Variants in NEK1 observed in about 807,000 individuals in gnomAD.
The protein encoded by NEK1 is NIMA related kinase 1.
Under a neutral mutation model 182.1 loss-of-function variants are expected in NEK1, and 137 were observed. The observed-to-expected ratio is 0.75, with a 90% CI of 0.65 to 0.87. The LOEUF (loss-of-function observed/expected upper bound fraction) is 0.87. NEK1 is among the 40% of genes least tolerant of loss of function. The pLI is 0.00. For missense variants in NEK1, 1,391 were observed against 1,494.4 expected, an observed-to-expected ratio of 0.93 and a Z score of 1.14; for synonymous variants, 513 against 492.2, an observed-to-expected ratio of 1.04 and a Z score of -0.56.
chr4:169,610,265 A>C (rs1462811992), intron 2 of NEK1, among the ~76,000 whole-genome samples: 3 of 151,488 alleles, frequency 2.0e-5, no homozygotes, highest in Non-Finnish European at 4.4e-5. Flanking sequence ...GCTTCCCAAA[A>C]TGCTGGGAAT....
intron 9 of NEK1, 129 bp downstream of exon 9, chr4:169,587,429 CA>C: frequency 5.8e-6 from 3 of 519,812 alleles, no homozygotes; most frequent in Middle Eastern, 5.1e-4. Context: ...ATGAGAAATT[CA>C]AAAATGGACT....
chr4:169,505,329 C>T (rs1011501776), intron 23 of NEK1, among the ~76,000 whole-genome samples: 3 of 151,976 alleles, frequency 2.0e-5, no homozygotes, highest in Non-Finnish European at 2.9e-5. Context: ...TCTTACTCCT[C>T]CTTCCTCAGC....
At chr4:169,459,696 G>A (rs910428376) in intron 27 of NEK1, among the ~76,000 whole-genome samples, 4 of 152,100 alleles carry the variant, frequency 2.6e-5, no homozygotes, top group Admixed American at 6.5e-5. Flanking sequence ...AATATTCTGC[G>A]CTAAAAAGTA....
At chr4:169,533,156 T>C (rs1374734897) in intron 19 of NEK1, among the ~76,000 whole-genome samples, 1 of 152,224 alleles carries the variant, frequency 6.6e-6, no homozygotes, top group Non-Finnish European at 1.5e-5. Context: ...TGACAGATTT[T>C]GTGTTAAATG....
Position 169,477,436 on chromosome 4 carries a change from A to T in NEK1, c.2201T>A (p.Ile734Asn), listed in dbSNP as rs750491132. ...AACTTTGAAAATTTTACTTACTGAA[A>T]TAGCATTGTTGGTCTTTTGCATCTC... ...SEEMQKTNNAISSKREILRRL... is the reference protein window; with the variant it reads ...SEEMQKTNNANSSKREILRRL... The change falls in exon 25 of 36, where the codon ATT becomes AAT. Residue 734 changes from isoleucine to asparagine, a missense_variant. By Grantham distance (149) the Ile-to-Asn change is moderately radical (BLOSUM62 -3). This residue lies in a region of NEK1 where 1,216 missense variants were observed against 1,277.6 expected (regional missense o/e 0.95). Coordinates refer to ENST00000507142, the MANE Select transcript of NEK1 (RefSeq NM_001199397.3). The T allele has an allele frequency of 2.9e-5, 46 of 1,603,888 alleles. No individual in the cohort carries two copies. Among genetic ancestry groups the T allele is most frequent in the Non-Finnish European group, 3.7e-5 (44 of 1,175,428 alleles).
At chr4:169,457,162 AGAGTT>A (rs148999787) in intron 27 of NEK1, among the ~76,000 whole-genome samples, 2,079 of 152,302 alleles carry the variant, frequency 0.014, 42 homozygotes, top group African/African-American at 0.045. Flanking sequence ...CTAGGTGACT[AGAGTT>A]AAGTCAAGAA....
At chr4:169,610,029 T>TC (rs1186518637) in intron 2 of NEK1, among the ~76,000 whole-genome samples, 4 of 151,612 alleles carry the variant, frequency 2.6e-5, no homozygotes, top group Non-Finnish European at 5.9e-5. Flanking sequence ...TTTTTTTTTT[T>TC]TTTTCTGAGA....
chr4:169,411,436 C>CCT (rs1733658111), intron 31 of NEK1, among the ~76,000 whole-genome samples: 1 of 152,152 alleles, frequency 6.6e-6, no homozygotes, highest in African/African-American at 2.4e-5. Context: ...AAGCGACTTT[C>CCT]GGGCCTCAGC....
chr4:169,452,062 C>T (rs1354171960), intron 27 of NEK1, among the ~76,000 whole-genome samples: 1 of 152,170 alleles, frequency 6.6e-6, no homozygotes, highest in African/African-American at 2.4e-5. Context: ...TGGACACGTA[C>T]TTACATAATT....
chr4:169,437,690 G>A (rs1321840625), intron 28 of NEK1, among the ~76,000 whole-genome samples: 2 of 152,190 alleles, frequency 1.3e-5, no homozygotes, highest in African/African-American at 4.8e-5. Flanking sequence ...ACCACATAAA[G>A]AGGGAGAGGG....
Position 169,438,993 on chromosome 4 carries a change from C to T in NEK1, c.2588-734G>A, listed in dbSNP as rs557093845. Among the ~76,000 whole-genome samples the T allele has an allele frequency of 9.3e-4, 142 of 152,254 alleles. 1 individual carries two copies. Among genetic ancestry groups the T allele is most frequent in the African/African-American group, 3.3e-3 (138 of 41,540 alleles). ...TCTCTAACACTCATTTTCCACTTCT[C>T]CGCCTCTACAACTCCAACTCTAAAA... On this transcript the variant is annotated intron_variant, in intron 27 of 35. Transcript: ENST00000507142.
At chr4:169,515,656 C>T (rs1249955419) in intron 19 of NEK1, among the ~76,000 whole-genome samples, 3 of 104,450 alleles carry the variant, frequency 2.9e-5, no homozygotes, top group Non-Finnish European at 3.9e-5. Flanking sequence ...TCCCCCCTCC[C>T]CCGACCCCAC....
chr4:169,571,295 G>A (rs1764813402), intron 12 of NEK1, among the ~76,000 whole-genome samples: 1 of 152,122 alleles, frequency 6.6e-6, no homozygotes, highest in Non-Finnish European at 1.5e-5. Context: ...CAAGGTAGGT[G>A]GATTACTTGA....
rs185526706 is a variant in NEK1, at chr4:169,526,061, T to G, written c.1665+11748A>C. Among the ~76,000 whole-genome samples, 338 of 152,308 alleles carry G rather than the reference T, an allele frequency of 2.2e-3. 4 individuals are homozygous for G. Among genetic ancestry groups the G allele is most frequent in the African/African-American group, 7.9e-3 (330 of 41,562 alleles). ...AGGTTCAGAGCAAACCCACCTTCCCTCTGACACACACATACACACGAAACC... is the reference window on the plus strand; with the variant it reads ...AGGTTCAGAGCAAACCCACCTTCCCGCTGACACACACATACACACGAAACC... On this transcript the variant is annotated intron_variant, in intron 19 of 35. Coordinates refer to ENST00000507142, the MANE Select transcript of NEK1 (RefSeq NM_001199397.3).
chr4:169,491,161 A>AG (rs1159183437), intron 23 of NEK1, among the ~76,000 whole-genome samples: 5 of 143,400 alleles, frequency 3.5e-5, no homozygotes, highest in African/African-American at 5.2e-5. Flanking sequence ...AAAAAAAAAA[A>AG]AAGAGAGATG....
At chr4:169,403,707 A>G (rs746415678) in intron 32 of NEK1, among the ~76,000 whole-genome samples, 1 of 152,186 alleles carries the variant, frequency 6.6e-6, no homozygotes, top group Non-Finnish European at 1.5e-5. Flanking sequence ...CCCTCTGCAG[A>G]TGGTATTCAA....
chr4:169,588,402 C>T (rs1296846436), intron 8 of NEK1, among the ~76,000 whole-genome samples: 1 of 151,996 alleles, frequency 6.6e-6, no homozygotes, highest in Non-Finnish European at 1.5e-5. Flanking sequence ...AAGAAAAGAC[C>T]AAAGAAAGCA....
chr4:169,445,739 A>T (rs1740382670), intron 27 of NEK1, among the ~76,000 whole-genome samples: 2 of 151,906 alleles, frequency 1.3e-5, no homozygotes, highest in South Asian at 4.2e-4. Flanking sequence ...TACTATCATC[A>T]CTATTTGAGT....
intron 32 of NEK1, among the ~76,000 whole-genome samples, chr4:169,403,855 T>C (rs1732108641): frequency 1.3e-5 from 2 of 151,450 alleles, no homozygotes; most frequent in Admixed American, 6.6e-5. Flanking sequence ...TTATAAAATC[T>C]TGACTAAAGT....
Sources: gnomAD v4.1 joint callset for allele counts (sites outside exome capture counted in the v4.1 genomes callset) on GRCh38, gnomAD v4.1.1 for gene constraint, gnomAD v4.1.1 regional missense constraint, MANE v1.5 for transcripts, NCBI Gene and HGNC (gene_info 2026-07-23, HGNC 2026-07-21) for gene names.